Variants in CADPS2 observed in about 807,000 individuals in gnomAD.
CADPS2 encodes the protein calcium dependent secretion activator 2, also known as calcium-dependent secretion activator 2.
Under a neutral mutation model 172.5 loss-of-function variants are expected in CADPS2, and 93 were observed. The observed-to-expected ratio is 0.54, with a 90% CI of 0.46 to 0.64. The LOEUF is 0.64. Ranked by LOEUF, CADPS2 falls within the 30% of genes least tolerant of loss-of-function variation. The pLI is 0.00. For synonymous variants in CADPS2, 546 were observed against 555.2 expected (o/e 0.98, Z 0.23); for missense variants, 1,420 against 1,565.9 (o/e 0.91, Z 1.57).
intron 3 of CADPS2, among the ~76,000 whole-genome samples, chr7:122,653,069 C>T (rs900001674): frequency 2.6e-5 from 4 of 152,126 alleles, no homozygotes; most frequent in South Asian, 2.1e-4. Context: ...CGATGGCCAT[C>T]GATGTCATGT....
chr7:122,655,481 G>A (rs989735121), intron 3 of CADPS2, among the ~76,000 whole-genome samples: 4 of 152,084 alleles, frequency 2.6e-5, no homozygotes, highest in Non-Finnish European at 4.4e-5. Context: ...ATGCTTGGTA[G>A]CATTTTTTAA....
intron 17 of CADPS2, 115 bp downstream of exon 17, chr7:122,438,226 T>A (rs1413049210): frequency 7.6e-7 from 1 of 1,307,372 alleles, no homozygotes; most frequent in African/African-American, 1.5e-5. Context: ...ATGAGACATT[T>A]CCCTTTGCCA....
At chr7:122,603,725 T>A (rs986583348) in intron 6 of CADPS2, among the ~76,000 whole-genome samples, 1 of 152,246 alleles carries the variant, frequency 6.6e-6, no homozygotes, top group Non-Finnish European at 1.5e-5. Flanking sequence ...CTTAAAACCA[T>A]TTGTACTGAT....
intron 6 of CADPS2, 26 bp downstream of exon 6, chr7:122,615,155 T>C (rs777248715): frequency 1.8e-5 from 24 of 1,360,330 alleles, no homozygotes; most frequent in African/African-American, 2.9e-5. Flanking sequence ...ACAACAACAA[T>C]AATACACTTT....
chr7:122,761,933 T>C (rs1428173826), intron 1 of CADPS2, among the ~76,000 whole-genome samples: 1 of 146,988 alleles, frequency 6.8e-6, no homozygotes, highest in African/African-American at 2.5e-5. Flanking sequence ...AGGAGGCAGA[T>C]GTTGCAGTTA....
intron 2 of CADPS2, among the ~76,000 whole-genome samples, chr7:122,721,139 C>G (rs950612211): frequency 2.6e-5 from 4 of 151,930 alleles, no homozygotes; most frequent in Admixed American, 2.6e-4. Context: ...TTCAGTACCC[C>G]ACTCCAAGCT....
intron 1 of CADPS2, among the ~76,000 whole-genome samples, chr7:122,756,030 A>G (rs1172294568): frequency 6.6e-6 from 1 of 152,218 alleles, no homozygotes; most frequent in Admixed American, 6.5e-5. Context: ...GTTTCCTACC[A>G]CAGCACACTG....
chr7:122,525,182 A>T (rs1291905970), intron 8 of CADPS2, among the ~76,000 whole-genome samples: 1 of 152,098 alleles, frequency 6.6e-6, no homozygotes, highest in Admixed American at 6.6e-5. Flanking sequence ...TAAAATTTTG[A>T]TCATAATCTC....
intron 3 of CADPS2, among the ~76,000 whole-genome samples, chr7:122,658,113 T>C (rs1418598106): frequency 2.6e-5 from 4 of 152,178 alleles, no homozygotes; most frequent in Non-Finnish European, 4.4e-5. Flanking sequence ...AGAAGACATT[T>C]ATGCAGCCAA....
At position 122,393,293 on chromosome 7, in the gene CADPS2, T is replaced by C. The variant is rs1243044820; in HGVS notation, c.2911A>G (p.Asn971Asp). 1 of 1,613,688 alleles carries C rather than the reference T, an allele frequency of 6.2e-7. No homozygotes were observed. The highest frequency in any genetic ancestry group is 1.7e-5 in the Admixed American group (1 of 59,988). The change falls in exon 22 of 30, where the codon AAT (asparagine) becomes GAT (aspartate). Residue 971 changes from asparagine to aspartate, a missense_variant. Transcript: ENST00000449022. The stretch of plus-strand genomic sequence containing the variant: ...CTTGGAACTTTTGGAAGAGCTACAT[T>C]GGGAAGACTGTTGGCGATATTCCTG... Reference protein sequence around the residue: ...PVKNIANSLPNVALPKVPSLP... With the variant: ...PVKNIANSLPDVALPKVPSLP...
rs768974126 is a variant in CADPS2 at position 122,490,131 on chromosome 7, G to T, written c.1802C>A (p.Thr601Asn). 5 of 1,613,434 alleles carry T rather than the reference G, an allele frequency of 3.1e-6. No individual in the cohort carries two copies. The South Asian group carries it at 4.4e-5, about 14-fold the overall frequency. The change falls in exon 11 of 30, where the codon ACC becomes AAC. Residue 601 changes from threonine (T) to asparagine (N), a missense_variant. Coordinates refer to ENST00000449022, the MANE Select transcript of CADPS2 (RefSeq NM_017954.11). ...QSYKPVPAIQ[T>N]QKLNPKGGTL... Reference sequence around the variant, plus strand: ...TCCTCCTTTAGGATTCAGTTTCTGGGTTTGAATTGCAGGAACTGGTTTATA... The same window carrying T: ...TCCTCCTTTAGGATTCAGTTTCTGGTTTTGAATTGCAGGAACTGGTTTATA...
At chr7:122,799,640 T>C (rs1797176643) in intron 1 of CADPS2, among the ~76,000 whole-genome samples, 1 of 150,334 alleles carries the variant, frequency 6.7e-6, no homozygotes, top group Non-Finnish European at 1.5e-5. Flanking sequence ...TATAGCTATC[T>C]AGAATGCAAT....
intron 27 of CADPS2, among the ~76,000 whole-genome samples, chr7:122,346,988 T>C (rs1297931586): frequency 6.6e-6 from 1 of 152,184 alleles, no homozygotes; most frequent in African/African-American, 2.4e-5. Context: ...GTAGATCTGC[T>C]ACCAATTTGA....
At position 122,614,666 on chromosome 7, in the gene CADPS2, A is replaced by T. The variant is rs149815322; in HGVS notation, c.1223+515T>A. Among the ~76,000 whole-genome samples, 152 of 152,244 alleles carry T rather than the reference A, an allele frequency of 1.0e-3. 3 individuals are homozygous for T. In the Middle Eastern group the frequency reaches 0.044, roughly 44 times the overall value. ...CTCATTGCCAGAACCTGAAACATCA[A>T]ACTGTTGGCAAAAAGCAGCTTTATG... is the stretch of plus-strand genomic sequence containing the variant. On this transcript the variant is annotated intron_variant, in intron 6 of 29. Coordinates refer to ENST00000449022, the MANE Select transcript of CADPS2 (RefSeq NM_017954.11).
intron 8 of CADPS2, among the ~76,000 whole-genome samples, chr7:122,549,750 C>CACAT (rs940670014): frequency 1.7e-4 from 26 of 152,078 alleles, no homozygotes; most frequent in African/African-American, 6.3e-4. Flanking sequence ...AGTAGACCTA[C>CACAT]ACATACATAC....
At chr7:122,361,729 C>T (rs2040176292) in intron 25 of CADPS2, among the ~76,000 whole-genome samples, 1 of 150,884 alleles carries the variant, frequency 6.6e-6, no homozygotes, top group Non-Finnish European at 1.5e-5. Flanking sequence ...TTTTATATTA[C>T]TTGCCATCCT....
chr7:122,770,252 C>A (rs948433977), intron 1 of CADPS2, among the ~76,000 whole-genome samples: 1 of 152,078 alleles, frequency 6.6e-6, no homozygotes, highest in African/African-American at 2.4e-5. Flanking sequence ...CCATTCTCTA[C>A]CCACCCTATA....
chr7:122,872,705 TG>T (rs1023360293), intron 1 of CADPS2, among the ~76,000 whole-genome samples: 1 of 152,148 alleles, frequency 6.6e-6, no homozygotes, highest in African/African-American at 2.4e-5. Flanking sequence ...AAATAAAATT[TG>T]GAATGCATTT....
chr7:122,664,539 T>C lies in CADPS2; in HGVS notation c.454-970A>G, dbSNP rs181246844. On this transcript the variant is annotated intron_variant, in intron 2 of 29. Coordinates refer to ENST00000449022, the MANE Select transcript of CADPS2 (RefSeq NM_017954.11). ...CATATTTGGGAAGAGACACCAGAGA[T>C]TTGGCCTTAAATCTCTCTGTTCTGC... 9.5e-4 allele frequency among the ~76,000 whole-genome samples: 144 copies of C among 152,274 alleles called. No individual in the cohort carries two copies. The Middle Eastern group carries it at 0.01, about 11-fold the overall frequency.
Sources: gnomAD v4.1 joint callset for allele counts (sites outside exome capture counted in the v4.1 genomes callset) on GRCh38, gnomAD v4.1.1 for gene constraint, MANE v1.5 for transcripts, NCBI Gene and HGNC (gene_info 2026-07-23, HGNC 2026-07-21) for gene names.